The following COL6A1 variants were observed in gnomAD, a reference collection of about 807,000 sequenced individuals.
The protein encoded by COL6A1 is collagen alpha-1(VI) chain.
Under a neutral mutation model 145.6 loss-of-function variants are expected in COL6A1, and 80 were observed. The observed-to-expected ratio is 0.55, with a 90% CI of 0.46 to 0.66. The LOEUF is 0.66. Ranked by LOEUF, COL6A1 falls within the 30% of genes least tolerant of loss-of-function variation. The pLI is 0.00. For synonymous variants in COL6A1, 638 were observed against 622.8 expected, an observed-to-expected ratio of 1.02 and a Z score of -0.36; for missense variants, 1,364 against 1,473.8, an observed-to-expected ratio of 0.93 and a Z score of 1.22.
chr21:45,993,979 G>C (rs1466085099), intron 19 of COL6A1, among the ~76,000 whole-genome samples, 188 bp from the exon 20 acceptor site: 1 of 152,218 alleles, frequency 6.6e-6, no homozygotes, highest in Admixed American at 6.5e-5. Flanking sequence ...GCCATAGCCA[G>C]CCACGCCGAT....
intron 3 of COL6A1, among the ~76,000 whole-genome samples, chr21:45,985,112 GCAGAGACAGGCAGACAGAGAGA>G (rs1345838228): frequency 3.1e-5 from 4 of 129,144 alleles, no homozygotes; most frequent in African/African-American, 1.2e-4. Flanking sequence ...AGACAGAGGG[GCAGAGACAGGCAGACAGAGAGA>G]CAGAGACAGA....
chr21:45,992,531 C>A, intron 18 of COL6A1, 133 bp downstream of exon 18: 1 of 1,194,696 alleles, frequency 8.4e-7, no homozygotes, highest in South Asian at 1.4e-5. Flanking sequence ...TTTCTTCACC[C>A]ACACGTCCAG....
rs555390479 is a variant in COL6A1 at position 45,994,502 on chromosome 21, A to T, written c.1398+273A>T. On this transcript the variant is annotated intron_variant, in intron 20 of 34. Transcript: ENST00000361866. This position sits in a 1 kb window ranked among gnomAD's most constrained non-coding sequence, Gnocchi z 6.8. The stretch of plus-strand genomic sequence containing the variant: ...GTGGAGAAGCGCTGTCTGGGGGCCC[A>T]TCCGGGGCAAGGGTGCCTCACAGTG... Among the ~76,000 whole-genome samples, 2 of 152,184 alleles carry T rather than the reference A, an allele frequency of 1.3e-5. No individual in the cohort carries two copies. The highest frequency in any genetic ancestry group is 4.1e-4 in the South Asian group (2 of 4,820).
rs1227702618 is a variant in COL6A1, at chr21:46,003,485, G to A, written c.2559G>A (p.Lys853=). The part of the protein sequence containing the change: ...HNFDTTKRFA[K]RLAERFLTAG... The stretch of plus-strand genomic sequence containing the variant: ...TTGACACCACCAAGCGCTTCGCCAA[G>A]CGCCTGGCCGAGCGCTTCCTCACAG... The change falls in exon 35 of 35, where the codon AAG becomes AAA. Residue 853 remains lysine, a synonymous_variant. Transcript: ENST00000361866. 6.2e-7 allele frequency: 1 copy of A among 1,610,116 alleles called. No homozygotes were observed. Among genetic ancestry groups the A allele is most frequent in the South Asian group, 1.1e-5 (1 of 91,022 alleles).
In COL6A1 at chr21:45,998,171, C is replaced by G. The variant is rs781031251; in HGVS notation, c.1575C>G (p.Pro525=). 6.2e-7 allele frequency: 1 copy of G among 1,611,836 alleles called. No individual in the cohort carries two copies. The highest frequency in any genetic ancestry group is 8.5e-7 in the Non-Finnish European group (1 of 1,179,542). ...GCACCGAGGGCTTCCCCGGCTTCCC[C>G]GTAAGTGTCCGGAGGCTGAGCCCAC... The part of the protein sequence containing the change: ...GNGTEGFPGF[P]GYPGNRGAPG... Residue 525 remains proline (P), a splice_region_variant and synonymous_variant, in exon 23 of 35, where the codon CCC becomes CCG. Coordinates refer to ENST00000361866, the MANE Select transcript of COL6A1 (RefSeq NM_001848.3).
In COL6A1 at chr21:46,000,314, C is replaced by G; in HGVS notation, c.1777-17C>G. 6.2e-7 allele frequency: 1 copy of G among 1,613,860 alleles called. No homozygotes were observed. The highest frequency in any genetic ancestry group is 8.5e-7 in the Non-Finnish European group (1 of 1,179,844). On this transcript the variant is annotated splice_polypyrimidine_tract_variant and intron_variant, in intron 27 of 34. Coordinates refer to ENST00000361866, the MANE Select transcript of COL6A1 (RefSeq NM_001848.3). ...GGGCTGTCTATGGCCCCAGTACCCT[C>G]GTCTCTCCCTCCCCAGGAATGCGAG...
chr21:45,992,181 T>C lies in COL6A1; in HGVS notation c.1200T>C (p.Pro400=). The C allele has an allele frequency of 1.2e-6, 2 of 1,613,700 alleles. No individual in the cohort carries two copies. Among genetic ancestry groups the C allele is most frequent in the African/African-American group, 1.3e-5 (1 of 74,988 alleles). ...CCCCACAGGGCCAGCCGGGAGAGCCTGGGCCCCCCGGAGAGAAAGGAGAGG... is the reference window on the plus strand; with the variant it reads ...CCCCACAGGGCCAGCCGGGAGAGCCCGGGCCCCCCGGAGAGAAAGGAGAGG... ...PSGDEGQPGE[P]GPPGEKGEAG... is the part of the protein sequence containing the mutation. The change falls in exon 17 of 35, where the codon CCT becomes CCC. Residue 400 remains proline, a synonymous_variant. Transcript: ENST00000361866.
chr21:45,999,246 C>T (rs370918114), intron 26 of COL6A1, 28 bp downstream of exon 26: 29 of 1,569,254 alleles, frequency 1.8e-5, no homozygotes, highest in East Asian at 6.9e-5. Context: ...GGTGAGGCCA[C>T]GGTGGGCTGT....
Position 45,990,991 on chromosome 21 carries a change from C to A in COL6A1, c.1069C>A (p.Pro357Thr), listed in dbSNP as rs762443936. Residue 357 changes from proline to threonine, a missense_variant, in exon 15 of 35, where the codon CCC (proline) becomes ACC (threonine). Physicochemically the swap from Pro to Thr is conservative, Grantham distance 38. Coordinates refer to ENST00000361866, the MANE Select transcript of COL6A1 (RefSeq NM_001848.3). ...CTCTTTTCTCCAGGGCATTCAAGGA[C>A]CCCCTGGCCCCAAGGGAGACCCCGG... ...GSPGFDGIQG[P>T]PGPKGDPGAF... The A allele has an allele frequency of 1.2e-6, 2 of 1,613,388 alleles. No individual in the cohort carries two copies. Among genetic ancestry groups the A allele is most frequent in the Non-Finnish European group, 8.5e-7 (1 of 1,179,910 alleles).
rs1462765947 is a variant in COL6A1 at position 46,003,491 on chromosome 21, G to A, written c.2565G>A (p.Leu855=). ...CCACCAAGCGCTTCGCCAAGCGCCTGGCCGAGCGCTTCCTCACAGCGGGCA... is the reference window on the plus strand; with the variant it reads ...CCACCAAGCGCTTCGCCAAGCGCCTAGCCGAGCGCTTCCTCACAGCGGGCA... ...FDTTKRFAKR[L]AERFLTAGRT... Residue 855 remains leucine, a synonymous_variant, in exon 35 of 35, where the codon CTG becomes CTA. Coordinates refer to ENST00000361866, the MANE Select transcript of COL6A1 (RefSeq NM_001848.3). 9 of 1,610,558 alleles carry A rather than the reference G, an allele frequency of 5.6e-6. No individual in the cohort carries two copies. The highest frequency in any genetic ancestry group is 3.3e-5 in the Admixed American group (2 of 59,962).
Position 46,004,347 on chromosome 21 carries a change from C to T in COL6A1, c.*334C>T, listed in dbSNP as rs1018108424. ...GCCCTGAGCTGGCCTCACCTGGGTT[C>T]CCCACCCCGGGCTCTCCTGCCCTGC... is the stretch of plus-strand genomic sequence containing the variant. On this transcript the variant is annotated 3_prime_UTR_variant, in exon 35 of 35. Coordinates refer to ENST00000361866, the MANE Select transcript of COL6A1 (RefSeq NM_001848.3). 7.0e-6 allele frequency: 3 copies of T among 426,710 alleles called. No homozygotes were observed. The highest frequency in any genetic ancestry group is 8.6e-6 in the Non-Finnish European group (2 of 232,134). 26.4% of individuals were successfully genotyped at this position (426,710 alleles called of 1,614,324 possible).
At chr21:45,985,546 G>T (rs900074299) in intron 3 of COL6A1, among the ~76,000 whole-genome samples, 1 of 152,316 alleles carries the variant, frequency 6.6e-6, no homozygotes, top group African/African-American at 2.4e-5. Flanking sequence ...GCGCTTTCTC[G>T]GGGTTTTTCT....
intron 9 of COL6A1, 55 bp from the exon 10 acceptor site, chr21:45,989,553 T>C (rs1423657630): frequency 1.3e-6 from 2 of 1,565,072 alleles, no homozygotes; most frequent in African/African-American, 1.4e-5. Flanking sequence ...TGGGTGGGAC[T>C]GGCCCCTGCC....
intron 2 of COL6A1, among the ~76,000 whole-genome samples, 159 bp downstream of exon 2, chr21:45,982,922 C>CG (rs2077716531): frequency 6.6e-6 from 1 of 152,044 alleles, no homozygotes. Context: ...AGAGTGAGGC[C>CG]GGGGCCCTTT....
chr21:45,998,818 A>AT (rs869233662), intron 24 of COL6A1, 79 bp from the exon 25 acceptor site: 3 of 1,307,896 alleles, frequency 2.3e-6, no homozygotes, highest in African/African-American at 1.5e-5. Context: ...TCTTATCTTT[A>AT]TTTTTTTCCT....
intron 20 of COL6A1, among the ~76,000 whole-genome samples, chr21:45,995,407 C>T (rs1206865115): frequency 3.3e-5 from 5 of 152,198 alleles, no homozygotes; most frequent in Non-Finnish European, 7.3e-5. Context: ...GCCATGCAGC[C>T]AGTGGCAGAT....
intron 26 of COL6A1, chr21:45,999,422 G>A (rs2077825477): frequency 4.1e-6 from 3 of 732,616 alleles, no homozygotes; most frequent in Non-Finnish European, 6.9e-6. Flanking sequence ...CGAGCCCAGG[G>A]ACACAGCGGG....
chr21:45,993,622 G>A (rs530037270), intron 19 of COL6A1, among the ~76,000 whole-genome samples: 1 of 152,378 alleles, frequency 6.6e-6, no homozygotes, highest in African/African-American at 2.4e-5. Flanking sequence ...GCCACCGAGG[G>A]ATTTGGCTCC....
chr21:45,988,888 G>A (rs548387060), intron 8 of COL6A1, among the ~76,000 whole-genome samples, 196 bp from the exon 9 acceptor site: 5 of 152,284 alleles, frequency 3.3e-5, no homozygotes, highest in South Asian at 2.1e-4. Context: ...AGACAGGAAC[G>A]AAGGCAGGGA....
Sources: allele counts gnomAD v4.1 joint callset (sites outside exome capture counted in the v4.1 genomes callset), GRCh38; gene constraint gnomAD v4.1.1; non-coding constraint Gnocchi (gnomAD v3.1); transcripts MANE v1.5; gene names NCBI Gene and HGNC (gene_info 2026-07-23, HGNC 2026-07-21).